Variants in CRLF2 observed in about 807,000 individuals in gnomAD.
CRLF2 encodes cytokine receptor like factor 2.
In CRLF2, 41 loss-of-function variants were observed where a neutral mutation model predicts 38.7. That is an observed-to-expected ratio of 1.06 (90% CI 0.83 to 1.37). CRLF2 has a LOEUF of 1.37. CRLF2 is among the 40% of genes most tolerant of loss of function. The pLI is 0.00. For synonymous variants in CRLF2, 140 were observed against 128.8 expected (o/e 1.09, Z -0.59); for missense variants, 377 against 322.2 (o/e 1.17, Z -1.30).
intron 6 of CRLF2, among the ~76,000 whole-genome samples, chrX:1,195,788 A>T (rs1373279743): frequency 3.0e-4 from 34 of 114,258 alleles, no homozygotes; most frequent in Middle Eastern, 4.2e-3. Flanking sequence ...ATATAATTTT[A>T]TATATATTTA....
chrX:1,206,191 T>C (rs2086688574), intron 3 of CRLF2, among the ~76,000 whole-genome samples: 1 of 151,968 alleles, frequency 6.6e-6, no homozygotes, highest in Non-Finnish European at 1.5e-5. Context: ...TACTGAAAAC[T>C]ATGCTGAGCT....
intron 5 of CRLF2, 127 bp from the exon 6 acceptor site, chrX:1,197,027 G>T: frequency 1.1e-5 from 8 of 699,086 alleles, no homozygotes; most frequent in South Asian, 7.4e-5. Flanking sequence ...TTTTTTCTTG[G>T]TTCTCGTTGT....
chrX:1,209,591 A>G (rs1205441445), intron 1 of CRLF2, among the ~76,000 whole-genome samples: 2 of 151,682 alleles, frequency 1.3e-5, no homozygotes, highest in Non-Finnish European at 2.9e-5. Context: ...TCATCCACCT[A>G]AAGTGCTGAG....
intron 7 of CRLF2, among the ~76,000 whole-genome samples, chrX:1,192,378 C>G (rs1167427059): frequency 6.6e-6 from 1 of 151,734 alleles, no homozygotes; most frequent in Non-Finnish European, 1.5e-5. Context: ...CATCCCAGCA[C>G]TTCGGGAGGC....
intron 4 of CRLF2, chrX:1,198,929 A>G: frequency 1.7e-6 from 1 of 605,138 alleles, no homozygotes; most frequent in South Asian, 1.9e-5. Flanking sequence ...CGGGTGGATC[A>G]CCTGAGGTCG....
At chrX:1,209,563 C>T (rs1476762543) in intron 1 of CRLF2, among the ~76,000 whole-genome samples, 4 of 151,772 alleles carry the variant, frequency 2.6e-5, no homozygotes, top group African/African-American at 4.8e-5. Flanking sequence ...GATCTCCTGA[C>T]CTCGTGATCC....
At chrX:1,197,978 G>A (rs2086520633) in intron 5 of CRLF2, among the ~76,000 whole-genome samples, 1 of 152,004 alleles carries the variant, frequency 6.6e-6, no homozygotes, top group Admixed American at 6.6e-5. Flanking sequence ...CTCCAGCCTG[G>A]GCACCATGAG....
intron 3 of CRLF2, among the ~76,000 whole-genome samples, chrX:1,205,390 G>A (rs1306660684): frequency 4.6e-5 from 7 of 152,164 alleles, no homozygotes; most frequent in Non-Finnish European, 7.4e-5. Context: ...AATCGTTACG[G>A]TAATCATTGA....
chrX:1,194,987 A>G (rs1291491782), intron 6 of CRLF2, among the ~76,000 whole-genome samples: 13 of 152,132 alleles, frequency 8.5e-5, no homozygotes, highest in Admixed American at 3.9e-4. Flanking sequence ...AGCCGAGATC[A>G]TGCCACTGTA....
chrX:1,206,230 A>AT (rs1276329112), intron 3 of CRLF2, among the ~76,000 whole-genome samples: 8 of 151,862 alleles, frequency 5.3e-5, no homozygotes, highest in Admixed American at 5.3e-4. Flanking sequence ...GGAATCATTG[A>AT]TCCCGCGACT....
chrX:1,198,650 C>A lies in CRLF2; in HGVS notation c.558G>T (p.Arg186Ser). 6.2e-7 allele frequency: 1 copy of A among 1,613,150 alleles called. No individual in the cohort carries two copies. Among genetic ancestry groups the A allele is most frequent in the South Asian group, 1.1e-5 (1 of 91,036 alleles). The stretch of plus-strand genomic sequence containing the variant: ...CATATACATCCTCCATAGCCTTCAC[C>A]CTGACCCAGAAAGAGTAACACTTCT... ...DAEKCYSFWVRVKAMEDVYGP... is the reference protein window; with the variant it reads ...DAEKCYSFWVSVKAMEDVYGP... Residue 186 changes from arginine (R) to serine (S), a missense_variant, in exon 5 of 8, where the codon AGG becomes AGT. Physicochemically the swap from Arg to Ser is moderately radical, Grantham distance 110. Transcript: ENST00000400841.
chrX:1,206,533 C>A lies in CRLF2; in HGVS notation c.249G>T (p.Gly83=). The A allele has an allele frequency of 6.2e-7, 1 of 1,613,568 alleles. No homozygotes were observed. Among genetic ancestry groups the A allele is most frequent in the Middle Eastern group, 1.7e-4 (1 of 6,056 alleles). ...CTCGCTGCTCTGCGTCTAGGAGGCA[C>A]CCCGAAGTGTGACCTTCCTGGAGAA... ...NYLLQEGHTS[G]CLLDAEQRDD... The change falls in exon 3 of 8, where the codon GGG becomes GGT. Residue 83 remains glycine, a synonymous_variant. Coordinates refer to ENST00000400841, the MANE Select transcript of CRLF2 (RefSeq NM_022148.4).
At position 1,201,966 on chromosome X, in the gene CRLF2, T is replaced by C. The variant is rs563700058; in HGVS notation, c.483+436A>G. ...GAACAAAGAGAGTTAATAGATAAAATAGATGATAGATTGAAAGACAGAGAT... is the reference window on the plus strand; with the variant it reads ...GAACAAAGAGAGTTAATAGATAAAACAGATGATAGATTGAAAGACAGAGAT... On this transcript the variant is annotated intron_variant, in intron 4 of 7. Transcript: ENST00000400841. Among the ~76,000 whole-genome samples the C allele has an allele frequency of 8.7e-4, 127 of 145,464 alleles. No individual in the cohort carries two copies. In the Middle Eastern group the frequency reaches 0.015, roughly 17 times the overall value.
chrX:1,195,799 T>C (rs2086463193), intron 6 of CRLF2, among the ~76,000 whole-genome samples: 1 of 90,108 alleles, frequency 1.1e-5, no homozygotes, highest in Non-Finnish European at 2.1e-5. Flanking sequence ...TATATATTTA[T>C]ATATTATATA....
intron 3 of CRLF2, among the ~76,000 whole-genome samples, chrX:1,204,110 A>G (rs1160969616): frequency 1.1e-4 from 13 of 122,776 alleles, no homozygotes; most frequent in African/African-American, 3.6e-4. Flanking sequence ...GAGAACATCC[A>G]GTGAGTGGGA....
chrX:1,212,558 G>T lies in CRLF2; in HGVS notation c.77C>A (p.Ala26Glu). 1 of 1,609,968 alleles carries T rather than the reference G, an allele frequency of 6.2e-7. No individual in the cohort carries two copies. The highest frequency in any genetic ancestry group is 8.5e-7 in the Non-Finnish European group (1 of 1,177,066). ...GGWMALGQGG[A>E]AEGVQIQIIY... ...GAAGAGGGTGTTTAAATAATTACCT[G>T]CTCCTCCTTGCCCCAAAGCCATCCA... The change falls in exon 1 of 8, where the codon GCA becomes GAA. Residue 26 changes from alanine to glutamate, a missense_variant and splice_region_variant. Transcript: ENST00000400841.
intron 6 of CRLF2, among the ~76,000 whole-genome samples, chrX:1,195,769 T>C (rs1206713417): frequency 7.2e-6 from 1 of 138,342 alleles, no homozygotes; most frequent in East Asian, 2.0e-4. Context: ...TTATATTATA[T>C]ATATATTTAT....
chrX:1,200,229 T>C lies in CRLF2; in HGVS notation c.484-1505A>G, dbSNP rs564201412. Among the ~76,000 whole-genome samples the C allele has an allele frequency of 2.2e-4, 34 of 151,756 alleles. No homozygotes were observed. In the South Asian group the frequency reaches 6.9e-3, roughly 31 times the overall value. Reference sequence around the variant, plus strand: ...TGTGTGTGTATATACGGTGTGTGTATACGTGTGTATAAATATGTGTATATA... The same window carrying C: ...TGTGTGTGTATATACGGTGTGTGTACACGTGTGTATAAATATGTGTATATA... On this transcript the variant is annotated intron_variant, in intron 4 of 7. Transcript: ENST00000400841.
chrX:1,207,385 T>C (rs1273642951), intron 2 of CRLF2, among the ~76,000 whole-genome samples: 3 of 151,952 alleles, frequency 2.0e-5, no homozygotes, highest in African/African-American at 7.2e-5. Context: ...CCTCCCAAGT[T>C]GCTGGGATTA....
Sources: allele counts gnomAD v4.1 joint callset (sites outside exome capture counted in the v4.1 genomes callset), GRCh38; gene constraint gnomAD v4.1.1; transcripts MANE v1.5; gene names NCBI Gene and HGNC (gene_info 2026-07-23, HGNC 2026-07-21).